FARP2: variants seen among roughly 807,000 people sequenced by gnomAD.
The protein encoded by FARP2 is FERM, ARH/RhoGEF and pleckstrin domain protein 2, also known as FERM, ARHGEF and pleckstrin domain-containing protein 2.
Under a neutral mutation model 130.5 loss-of-function variants are expected in FARP2, and 111 were observed. That is an observed-to-expected ratio of 0.85 (90% CI 0.73 to 1.00). The LOEUF (loss-of-function observed/expected upper bound fraction) is 1.00, where lower values mean the gene tolerates loss of function less well. Ranked by LOEUF, FARP2 falls within the 50% of genes least tolerant of loss-of-function variation. FARP2 has a pLI of 0.00. For missense variants in FARP2, 1,385 were observed against 1,346.3 expected, an observed-to-expected ratio of 1.03 and a Z score of -0.45; for synonymous variants, 504 against 516.9, an observed-to-expected ratio of 0.98 and a Z score of 0.34.
chr2:241,464,792 T>C (rs2064126282), intron 17 of FARP2, among the ~76,000 whole-genome samples: 1 of 151,828 alleles, frequency 6.6e-6, no homozygotes. Context: ...CTCAGAACTC[T>C]ATCTTCCTCA....
intron 2 of FARP2, among the ~76,000 whole-genome samples, chr2:241,388,495 A>G (rs778141923): frequency 6.6e-5 from 10 of 152,242 alleles, no homozygotes; most frequent in Admixed American, 3.9e-4. Flanking sequence ...ACCTAGGAGT[A>G]GATATGACAC....
chr2:241,404,436 C>CT (rs911051562), intron 3 of FARP2, among the ~76,000 whole-genome samples: 7 of 152,298 alleles, frequency 4.6e-5, no homozygotes, highest in African/African-American at 1.4e-4. Flanking sequence ...TGACGTACCT[C>CT]TTTTTTGCAG....
intron 19 of FARP2, chr2:241,478,995 G>T: frequency 4.0e-6 from 2 of 494,724 alleles, no homozygotes; most frequent in South Asian, 2.6e-5. Context: ...AGGATGTGAG[G>T]GACACAGTAT....
chr2:241,469,926 A>G (rs138508605), intron 18 of FARP2, among the ~76,000 whole-genome samples: 48 of 152,336 alleles, frequency 3.2e-4, no homozygotes, highest in African/African-American at 9.1e-4. Flanking sequence ...GAAGTTGTCA[A>G]CTCAACAGAA....
At chr2:241,407,441 A>G in intron 4 of FARP2, 96 bp from the exon 5 acceptor site, 1 of 911,892 alleles carries the variant, frequency 1.1e-6, no homozygotes, top group Non-Finnish European at 1.8e-6. Flanking sequence ...GTAACAGTCC[A>G]CTTGGAAGCA....
At chr2:241,415,100 C>T (rs1446403111) in intron 7 of FARP2, among the ~76,000 whole-genome samples, 1 of 152,200 alleles carries the variant, frequency 6.6e-6, no homozygotes, top group African/African-American at 2.4e-5. Context: ...TGCAGAGCTC[C>T]ATCTCGGACA....
intron 1 of FARP2, among the ~76,000 whole-genome samples, chr2:241,359,044 C>G (rs1289093379): frequency 6.6e-6 from 1 of 152,168 alleles, no homozygotes; most frequent in Non-Finnish European, 1.5e-5. Context: ...ATCCCATCCT[C>G]CCATCCAAGG....
chr2:241,360,287 A>G (rs1480807939), intron 1 of FARP2, among the ~76,000 whole-genome samples: 1 of 152,156 alleles, frequency 6.6e-6, no homozygotes, highest in Admixed American at 6.5e-5. Flanking sequence ...AAGGTATACA[A>G]TTTGGGGGAA....
chr2:241,389,180 C>T (rs1334382209), intron 2 of FARP2, among the ~76,000 whole-genome samples: 1 of 151,878 alleles, frequency 6.6e-6, no homozygotes, highest in Non-Finnish European at 1.5e-5. Context: ...ACTTGGGAGG[C>T]TGAGGCAGGA....
At chr2:241,359,562 G>T (rs967154288) in intron 1 of FARP2, among the ~76,000 whole-genome samples, 4 of 152,164 alleles carry the variant, frequency 2.6e-5, no homozygotes, top group African/African-American at 7.2e-5. Context: ...CTCTGCCTGT[G>T]CACACACTAT....
chr2:241,479,177 A>G (rs1047965503), intron 19 of FARP2, among the ~76,000 whole-genome samples: 4 of 152,210 alleles, frequency 2.6e-5, no homozygotes, highest in Admixed American at 6.5e-5. Flanking sequence ...GTCCAAGGCC[A>G]GGTGTCCCCA....
At chr2:241,463,603 G>T in intron 16 of FARP2, 135 bp downstream of exon 16, 1 of 992,306 alleles carries the variant, frequency 1.0e-6, no homozygotes. Context: ...GAGCCTGTGG[G>T]GAGAGGTACA....
In FARP2 at chr2:241,471,631, C is replaced by T. The variant is rs1211792315; in HGVS notation, c.2131+3254C>T. On this transcript the variant is annotated intron_variant, in intron 18 of 26. Transcript: ENST00000264042. ...GCCTCAGCCTCCCGAGTAGCTGGGA[C>T]GACAGGCGCCCGACACCACGCCTGT... Among the ~76,000 whole-genome samples, 13 of 151,646 alleles carry T rather than the reference C, an allele frequency of 8.6e-5. No individual in the cohort carries two copies. In the East Asian group the frequency reaches 1.4e-3, roughly 16 times the overall value.
intron 2 of FARP2, among the ~76,000 whole-genome samples, chr2:241,393,707 A>T (rs1362540652): frequency 6.6e-6 from 1 of 152,218 alleles, no homozygotes; most frequent in Non-Finnish European, 1.5e-5. Flanking sequence ...GAATTTTCCC[A>T]CAGAGCTTAA....
chr2:241,406,066 G>A (rs1002467433), intron 4 of FARP2, among the ~76,000 whole-genome samples: 1 of 152,108 alleles, frequency 6.6e-6, no homozygotes, highest in Non-Finnish European at 1.5e-5. Context: ...CACTTTGGGA[G>A]GCCAAGGTGG....
intron 16 of FARP2, 115 bp downstream of exon 16, chr2:241,463,583 A>T: frequency 8.1e-6 from 10 of 1,240,542 alleles, no homozygotes; most frequent in Non-Finnish European, 1.1e-5. Context: ...TCACTGGAGC[A>T]TATTTTTAGG....
At chr2:241,451,755 CT>C (rs1029292913) in intron 13 of FARP2, among the ~76,000 whole-genome samples, 2 of 151,272 alleles carry the variant, frequency 1.3e-5, no homozygotes, top group African/African-American at 4.9e-5. Flanking sequence ...ACTTCTCTGC[CT>C]TTTTTTTTCT....
Position 241,491,164 on chromosome 2 carries a change from T to A in FARP2, c.2608T>A (p.Cys870Ser), listed in dbSNP as rs1193509436. The A allele has an allele frequency of 6.2e-7, 1 of 1,612,452 alleles. No homozygotes were observed. Among genetic ancestry groups the A allele is most frequent in the African/African-American group, 1.3e-5 (1 of 75,018 alleles). The change falls in exon 23 of 27, where the codon TGC becomes AGC. Residue 870 changes from cysteine to serine, a missense_variant. Transcript: ENST00000264042. Reference protein sequence around the residue: ...TAPALPGRTVCTRPPRSPNEV... With the variant: ...TAPALPGRTVSTRPPRSPNEV... ...CCCTGCACTGCCAGGCCGCACTGTG[T>A]GCACTCGTCCCCCCAGTGAGTGCTG...
chr2:241,451,635 C>T (rs1212508381), intron 13 of FARP2, among the ~76,000 whole-genome samples: 2 of 152,278 alleles, frequency 1.3e-5, no homozygotes, highest in East Asian at 3.9e-4. Flanking sequence ...AGTAGATGAC[C>T]TCGGATTTAG....
Sources: allele counts gnomAD v4.1 joint callset (sites outside exome capture counted in the v4.1 genomes callset), GRCh38; gene constraint gnomAD v4.1.1; transcripts MANE v1.5; gene names NCBI Gene and HGNC (gene_info 2026-07-23, HGNC 2026-07-21).